CAPN8: variants seen among roughly 807,000 people sequenced by gnomAD.
CAPN8 encodes the protein calpain-8.
A neutral mutation model predicts 80.9 loss-of-function variants in CAPN8; 87 were observed. The ratio of observed to expected loss-of-function variants is 1.07; its 90% CI spans 0.90 to 1.28. The LOEUF is 1.28. Among genes scored for constraint, CAPN8 ranks in the 50% most tolerant of loss-of-function variants. CAPN8 has a pLI of 0.00. For synonymous variants in CAPN8, 299 were observed against 273.8 expected, an observed-to-expected ratio of 1.09 and a Z score of -0.91; for missense variants, 757 against 702.0, an observed-to-expected ratio of 1.08 and a Z score of -0.89.
intron 19 of CAPN8, among the ~76,000 whole-genome samples, chr1:223,543,593 C>A (rs1287941572): frequency 6.6e-6 from 1 of 152,132 alleles, no homozygotes; most frequent in Non-Finnish European, 1.5e-5. Context: ...AAGGAAAAAT[C>A]CCTTCCTAAT....
chr1:223,544,757 A>G lies in CAPN8; in HGVS notation c.1912+15T>C, dbSNP rs1656572360. On this transcript the variant is annotated intron_variant, in intron 18 of 20. Coordinates refer to ENST00000366872, the MANE Select transcript of CAPN8 (RefSeq NM_001143962.2). ...ACCTGGATCCCAAGACCCTGTCTACAGGATGTGTCCTCACCTGCCTTCCTG... is the reference window on the plus strand; with the variant it reads ...ACCTGGATCCCAAGACCCTGTCTACGGGATGTGTCCTCACCTGCCTTCCTG... 1 of 1,551,590 alleles carries G rather than the reference A, an allele frequency of 6.4e-7. No homozygotes were observed. The highest frequency in any genetic ancestry group is 8.7e-7 in the Non-Finnish European group (1 of 1,147,010).
chr1:223,647,402 C>T (rs757471761), intron 2 of CAPN8, among the ~76,000 whole-genome samples: 1 of 152,176 alleles, frequency 6.6e-6, no homozygotes, highest in Non-Finnish European at 1.5e-5. Flanking sequence ...AAGAAAAATG[C>T]ATAAATGATT....
chr1:223,616,055 A>T lies in CAPN8; in HGVS notation c.1226T>A (p.Val409Glu). 6.4e-7 allele frequency: 1 copy of T among 1,552,282 alleles called. No individual in the cohort carries two copies. Among genetic ancestry groups the T allele is most frequent in the East Asian group, 2.4e-5 (1 of 40,922 alleles). The part of the protein sequence containing the change: ...EESIGEPCCT[V>E]LLGLMQKNRR... The stretch of plus-strand genomic sequence containing the variant: ...ATTTTTCTGCATCAGGCCCAGCAGC[A>T]CTGTACAGCAGGGTTCACCGATGCT... The change falls in exon 10 of 21, where the codon GTG becomes GAG. Residue 409 changes from valine to glutamate, a missense_variant. Val to Glu is a moderately radical substitution (Grantham distance 121). Transcript: ENST00000366872.
intron 1 of CAPN8, among the ~76,000 whole-genome samples, chr1:223,661,809 T>C (rs1658653156): frequency 6.6e-6 from 1 of 152,186 alleles, no homozygotes; most frequent in African/African-American, 2.4e-5. Context: ...ATGGGTCATA[T>C]CTTTTGGGTA....
intron 13 of CAPN8, among the ~76,000 whole-genome samples, chr1:223,557,528 T>C (rs1341417159): frequency 6.6e-6 from 1 of 152,126 alleles, no homozygotes; most frequent in Non-Finnish European, 1.5e-5. Context: ...ACACCCACCA[T>C]CTGAGAACAA....
rs1259525671 is a variant in CAPN8 at position 223,619,338 on chromosome 1, G to A, written c.1090C>T (p.His364Tyr). Residue 364 changes from histidine (H) to tyrosine (Y), a missense_variant, in exon 9 of 21, where the codon CAC becomes TAC. Transcript: ENST00000366872. Reference sequence around the variant, plus strand: ...CCAGCTGTGGAGCCCCGGGTCCAGTGGCCGTTGAACAGGACCAGGTTCCAT... The same window carrying A: ...CCAGCTGTGGAGCCCCGGGTCCAGTAGCCGTTGAACAGGACCAGGTTCCAT... The part of the protein sequence containing the change: ...HKWNLVLFNG[H>Y]WTRGSTAGGC... The A allele has an allele frequency of 6.4e-7, 1 of 1,551,748 alleles. No individual in the cohort carries two copies. The highest frequency in any genetic ancestry group is 2.0e-5 in the Admixed American group (1 of 51,004).
At chr1:223,550,835 G>A in intron 15 of CAPN8, 125 bp downstream of exon 15, 1 of 598,352 alleles carries the variant, frequency 1.7e-6, no homozygotes, top group Non-Finnish European at 3.0e-6. Context: ...CAGGGCTCCT[G>A]GGGTCAGACA....
At chr1:223,542,220 T>A (rs1408772559) in intron 20 of CAPN8, among the ~76,000 whole-genome samples, 1 of 152,080 alleles carries the variant, frequency 6.6e-6, no homozygotes, top group Non-Finnish European at 1.5e-5. Flanking sequence ...TATAGATTCC[T>A]ATATATGTGT....
At position 223,616,009 on chromosome 1, in the gene CAPN8, T is replaced by A; in HGVS notation, c.1272A>T (p.Ile424=). The change falls in exon 10 of 21, where the codon ATA becomes ATT. Residue 424 remains isoleucine (I), a synonymous_variant. Transcript: ENST00000366872. ...MQKNRRWRKR[I]GQGMLSIGYA... Reference sequence around the variant, plus strand: ...AGCCGATGCTAAGCATGCCTTGTCCTATCCGCTTCCGCCACCTGCGATTTT... The same window carrying A: ...AGCCGATGCTAAGCATGCCTTGTCCAATCCGCTTCCGCCACCTGCGATTTT... 1 of 1,552,310 alleles carries A rather than the reference T, an allele frequency of 6.4e-7. No homozygotes were observed.
intron 6 of CAPN8, 81 bp from the exon 7 acceptor site, chr1:223,622,981 T>C: frequency 8.7e-7 from 1 of 1,145,074 alleles, no homozygotes; most frequent in Non-Finnish European, 1.3e-6. Flanking sequence ...TGACAGGATC[T>C]GCATTAAATT....
chr1:223,637,368 C>T (rs1372005516), intron 2 of CAPN8, among the ~76,000 whole-genome samples: 2 of 152,152 alleles, frequency 1.3e-5, no homozygotes, highest in African/African-American at 4.8e-5. Context: ...CCTGGTAACG[C>T]CTGGCTCCAG....
chr1:223,656,417 G>A (rs181215684), intron 1 of CAPN8, among the ~76,000 whole-genome samples: 7 of 151,830 alleles, frequency 4.6e-5, no homozygotes, highest in Non-Finnish European at 8.8e-5. Flanking sequence ...CCAAGATCAC[G>A]CCATTGCACT....
chr1:223,616,757 G>A (rs1423988282), intron 9 of CAPN8: 1 of 152,774 alleles, frequency 6.5e-6, no homozygotes, highest in Non-Finnish European at 1.5e-5. Flanking sequence ...ATCACCCCAG[G>A]GGCCTCACAG....
intron 6 of CAPN8, among the ~76,000 whole-genome samples, chr1:223,624,840 A>G (rs1044740307): frequency 6.6e-6 from 1 of 152,200 alleles, no homozygotes; most frequent in Non-Finnish European, 1.5e-5. Context: ...CACACCTGTA[A>G]TCCCAGCACT....
chr1:223,549,542 A>G, intron 15 of CAPN8, 160 bp from the exon 16 acceptor site: 1 of 1,107,586 alleles, frequency 9.0e-7, no homozygotes, highest in Non-Finnish European at 1.3e-6. Context: ...TTGTGGGCAG[A>G]TACGCCTGAG....
At chr1:223,659,831 G>C (rs1392418264) in intron 1 of CAPN8, among the ~76,000 whole-genome samples, 1 of 152,160 alleles carries the variant, frequency 6.6e-6, no homozygotes, top group Non-Finnish European at 1.5e-5. Flanking sequence ...ATTAGTCATG[G>C]TTCCTCAGCT....
intron 14 of CAPN8, among the ~76,000 whole-genome samples, chr1:223,552,567 A>G (rs1324791383): frequency 6.6e-6 from 1 of 151,436 alleles, no homozygotes; most frequent in Non-Finnish European, 1.5e-5. Context: ...CTCAAAAAAA[A>G]AAAAAAAAAA....
intron 1 of CAPN8, among the ~76,000 whole-genome samples, chr1:223,657,598 C>G (rs928237106): frequency 3.3e-5 from 5 of 151,974 alleles, no homozygotes; most frequent in Admixed American, 2.0e-4. Flanking sequence ...AAAACCCTGT[C>G]TCTACTAAAA....
intron 7 of CAPN8, among the ~76,000 whole-genome samples, chr1:223,621,058 C>T (rs552513180): frequency 2.6e-5 from 4 of 152,012 alleles, no homozygotes. Flanking sequence ...TCCAGCGCAG[C>T]CTCTTCCTCC....
Sources: gnomAD v4.1 joint callset for allele counts (sites outside exome capture counted in the v4.1 genomes callset) on GRCh38, gnomAD v4.1.1 for gene constraint, MANE v1.5 for transcripts, NCBI Gene and HGNC (gene_info 2026-07-23, HGNC 2026-07-21) for gene names.